Variants in RXRA observed in about 807,000 individuals in gnomAD.
RXRA encodes retinoic acid receptor RXR-alpha.
A neutral mutation model predicts 44.5 loss-of-function variants in RXRA; 5 were observed. That is an observed-to-expected ratio of 0.11 (90% CI 0.06 to 0.24). The LOEUF (loss-of-function observed/expected upper bound fraction) is 0.24. Ranked by LOEUF, RXRA falls within the 10% of genes least tolerant of loss-of-function variation. The pLI is 1.00. For synonymous variants in RXRA, 291 were observed against 271.4 expected, an observed-to-expected ratio of 1.07 and a Z score of -0.71; for missense variants, 412 against 646.5, an observed-to-expected ratio of 0.64 and a Z score of 3.93.
Position 134,379,505 on chromosome 9 carries a change from G to A in RXRA, c.29-22127G>A, listed in dbSNP as rs115812862. 3,143 of 986,462 alleles carry A rather than the reference G, an allele frequency of 3.2e-3. 84 individuals carry two copies. In the African/African-American group the frequency reaches 0.051, roughly 16 times the overall value. The allele number at this position is 986,462 out of a possible 1,614,324, so 61.1% of individuals were successfully genotyped here. ...ACCGAGTCGCTGCCCATCACTGACC[G>A]TCTGTGGCAGGCACTGCCAGTGGCC... On this transcript the variant is annotated intron_variant, in intron 1 of 9. Transcript: ENST00000481739.
chr9:134,384,190 G>C (rs185008920), intron 1 of RXRA, among the ~76,000 whole-genome samples: 3 of 151,684 alleles, frequency 2.0e-5, no homozygotes, highest in Admixed American at 6.6e-5. Flanking sequence ...CACCCCGGTT[G>C]GGGGGGAGTC....
chr9:134,401,909 G>C, intron 2 of RXRA, 27 bp downstream of exon 2: 1 of 1,554,596 alleles, frequency 6.4e-7, no homozygotes, highest in Non-Finnish European at 8.7e-7. Context: ...GGCAAGGGGA[G>C]GGGGTGGGGC....
chr9:134,380,419 G>A (rs1362069742), intron 1 of RXRA, among the ~76,000 whole-genome samples: 1 of 152,080 alleles, frequency 6.6e-6, no homozygotes, highest in Non-Finnish European at 1.5e-5. Context: ...ATAGGGGCTG[G>A]GGTGGCCATG....
chr9:134,423,719 G>T (rs903290509), intron 6 of RXRA: 11 of 985,362 alleles, frequency 1.1e-5, no homozygotes, highest in Non-Finnish European at 1.3e-5. Context: ...GGTATGGTGA[G>T]TATTCCGCCT....
At chr9:134,401,608 C>T in intron 1 of RXRA, 24 bp from the exon 2 acceptor site, 1 of 1,612,364 alleles carries the variant, frequency 6.2e-7, no homozygotes, top group Non-Finnish European at 8.5e-7. Context: ...ACTGACCACT[C>T]TCCTGCGGCT....
At chr9:134,404,662 A>T (rs934689106) in intron 2 of RXRA, 3 of 152,666 alleles carry the variant, frequency 2.0e-5, no homozygotes, top group Non-Finnish European at 4.4e-5. Flanking sequence ...AGCGGGCTTC[A>T]CGGGGTCGGA....
At chr9:134,356,174 G>A (rs935918091) in intron 1 of RXRA, among the ~76,000 whole-genome samples, 1 of 152,138 alleles carries the variant, frequency 6.6e-6, no homozygotes, top group African/African-American at 2.4e-5. Flanking sequence ...GGGCCTTTGG[G>A]GAAGCTGCCT....
chr9:134,396,670 C>T (rs1448690073), intron 1 of RXRA, among the ~76,000 whole-genome samples: 1 of 152,160 alleles, frequency 6.6e-6, no homozygotes, highest in Non-Finnish European at 1.5e-5. Flanking sequence ...CCCTGCCTTT[C>T]CTTTGCACCA....
chr9:134,367,777 C>A (rs147594396), intron 1 of RXRA, among the ~76,000 whole-genome samples: 18 of 152,296 alleles, frequency 1.2e-4, no homozygotes, highest in Non-Finnish European at 2.1e-4. Flanking sequence ...GTCTTGTGGC[C>A]CCTTCTGGGT....
chr9:134,385,293 C>T lies in RXRA; in HGVS notation c.29-16339C>T, dbSNP rs1029438413. ...CCATTGGCTGATGGGCCACAAAAGG[C>T]ATTCTGTGCCTTGGAAGAAAGCCCT... is the stretch of plus-strand genomic sequence containing the variant. On this transcript the variant is annotated intron_variant, in intron 1 of 9. Transcript: ENST00000481739. 2.4e-4 allele frequency among the ~76,000 whole-genome samples: 37 copies of T among 152,354 alleles called. 1 individual carries two copies. Among genetic ancestry groups the T allele is most frequent in the Middle Eastern group, 3.4e-3 (1 of 294 alleles).
intron 1 of RXRA, among the ~76,000 whole-genome samples, chr9:134,359,407 C>A (rs563495157): frequency 1.3e-5 from 2 of 152,294 alleles, no homozygotes; most frequent in Admixed American, 6.5e-5. Flanking sequence ...CCCACCTCCC[C>A]TCCCTTCCCA....
At position 134,341,384 on chromosome 9, in the gene RXRA, G is replaced by T. The variant is rs75043682; in HGVS notation, c.28+14725G>T. Among the ~76,000 whole-genome samples, 1,251 of 152,268 alleles carry T rather than the reference G, an allele frequency of 8.2e-3. 18 individuals are homozygous for T. The highest frequency in any genetic ancestry group is 0.029 in the African/African-American group (1,192 of 41,538). On this transcript the variant is annotated intron_variant, in intron 1 of 9. Transcript: ENST00000481739. ...TTGGAGTCCTGGGGGCTGCTAGGGTGGGGGGACATTCCTCCTCTGGGAGGA... is the reference window on the plus strand; with the variant it reads ...TTGGAGTCCTGGGGGCTGCTAGGGTTGGGGGACATTCCTCCTCTGGGAGGA...
At chr9:134,379,920 C>T in intron 1 of RXRA, 2 of 985,294 alleles carry the variant, frequency 2.0e-6, no homozygotes, top group South Asian at 4.7e-5. Flanking sequence ...CTGCTGGTCT[C>T]TGGGTCTGAG....
chr9:134,331,311 C>T (rs1835001405), intron 1 of RXRA, among the ~76,000 whole-genome samples: 1 of 152,256 alleles, frequency 6.6e-6, no homozygotes, highest in African/African-American at 2.4e-5. Flanking sequence ...AAGCAATTGT[C>T]TAGCTCAGCA....
chr9:134,340,624 G>C (rs994994964), intron 1 of RXRA, among the ~76,000 whole-genome samples: 1 of 152,176 alleles, frequency 6.6e-6, no homozygotes, highest in South Asian at 2.1e-4. Context: ...AGACGGTCTC[G>C]GTGCATGAGC....
At chr9:134,352,570 C>G in intron 1 of RXRA, among the ~76,000 whole-genome samples, 1 of 152,198 alleles carries the variant, frequency 6.6e-6, no homozygotes, top group East Asian at 1.9e-4. Flanking sequence ...CCGGACCACC[C>G]AGCCTCCTGC....
chr9:134,336,916 C>T (rs1001074597), intron 1 of RXRA, among the ~76,000 whole-genome samples: 7 of 152,158 alleles, frequency 4.6e-5, no homozygotes, highest in Non-Finnish European at 7.4e-5. Flanking sequence ...GTGTCTAGCT[C>T]GGTGTCGGTT....
At chr9:134,385,253 C>T (rs775218100) in intron 1 of RXRA, among the ~76,000 whole-genome samples, 8 of 152,328 alleles carry the variant, frequency 5.3e-5, no homozygotes, top group Admixed American at 1.3e-4. Context: ...CACTCACTAC[C>T]GGCCCGGGGC....
intron 1 of RXRA, chr9:134,372,016 C>CCCCA (rs1349708887): frequency 6.6e-6 from 1 of 152,176 alleles, no homozygotes; most frequent in Non-Finnish European, 1.5e-5. Flanking sequence ...GGTGCTCAGG[C>CCCCA]CCCACTTCCC....
Sources: allele counts gnomAD v4.1 joint callset (sites outside exome capture counted in the v4.1 genomes callset), GRCh38; gene constraint gnomAD v4.1.1; transcripts MANE v1.5; gene names NCBI Gene and HGNC (gene_info 2026-07-23, HGNC 2026-07-21).